The following ANKRD10 variants were observed in gnomAD, a reference collection of about 807,000 sequenced individuals.
ANKRD10 encodes the protein ankyrin repeat domain 10.
A neutral mutation model predicts 27.0 loss-of-function variants in ANKRD10; 14 were observed. That is an observed-to-expected ratio of 0.52 (90% CI 0.34 to 0.81). The LOEUF is 0.81. ANKRD10 is among the 40% of genes least tolerant of loss of function. The pLI, the probability that ANKRD10 is intolerant of heterozygous loss-of-function variation, is 0.01. For missense variants in ANKRD10, 493 were observed against 544.0 expected (o/e 0.91, Z 0.93); for synonymous variants, 250 against 224.5 (o/e 1.11, Z -1.01).
chr13:110,899,726 C>A lies in ANKRD10; in HGVS notation c.455+6307G>T, dbSNP rs1316599848. Among the ~76,000 whole-genome samples, 8 of 151,990 alleles carry A rather than the reference C, an allele frequency of 5.3e-5. No homozygotes were observed. The East Asian group carries it at 1.2e-3, about 22-fold the overall frequency. On this transcript the variant is annotated intron_variant, in intron 3 of 5. Coordinates refer to ENST00000267339, the MANE Select transcript of ANKRD10 (RefSeq NM_017664.4). The stretch of plus-strand genomic sequence containing the variant: ...TACGAAAAGCAATCACTGAGCAGGC[C>A]ACCCATTTTCTCTCTACTATTCTTT...
chr13:110,891,633 G>A (rs982733700), intron 4 of ANKRD10, among the ~76,000 whole-genome samples: 1 of 152,142 alleles, frequency 6.6e-6, no homozygotes, highest in Non-Finnish European at 1.5e-5. Flanking sequence ...AAAAGATGAT[G>A]TTGGTTCATG....
chr13:110,896,956 CATTGTAAATT>C (rs2065241165), intron 3 of ANKRD10, among the ~76,000 whole-genome samples: 8 of 147,436 alleles, frequency 5.4e-5, no homozygotes, highest in Non-Finnish European at 8.9e-5. Context: ...TTATGGGGTA[CATTGTAAATT>C]CCAATACAAT....
intron 3 of ANKRD10, among the ~76,000 whole-genome samples, chr13:110,898,297 A>T (rs1042026901): frequency 5.9e-5 from 9 of 152,240 alleles, no homozygotes; most frequent in Non-Finnish European, 1.2e-4. Context: ...TTAGACTGAA[A>T]ATAATTTGGG....
At chr13:110,912,565 C>G (rs980313302) in intron 1 of ANKRD10, among the ~76,000 whole-genome samples, 1 of 152,176 alleles carries the variant, frequency 6.6e-6, no homozygotes, top group Non-Finnish European at 1.5e-5. Flanking sequence ...AAACCTGTTA[C>G]CCTTGGGTTC....
chr13:110,913,722 C>T lies in ANKRD10; in HGVS notation c.210+1003G>A, dbSNP rs969742801. On this transcript the variant is annotated intron_variant, in intron 1 of 5. Coordinates refer to ENST00000267339, the MANE Select transcript of ANKRD10 (RefSeq NM_017664.4). ...ATTTCACATTACCTCTCACATATTTCTGCAAAACCATTTAACCCCATCTCA... is the reference window on the plus strand; with the variant it reads ...ATTTCACATTACCTCTCACATATTTTTGCAAAACCATTTAACCCCATCTCA... 2.0e-5 allele frequency among the ~76,000 whole-genome samples: 3 copies of T among 152,210 alleles called. No homozygotes were observed. In the South Asian group the frequency reaches 6.2e-4, roughly 32 times the overall value.
chr13:110,891,751 T>C (rs955105331), intron 4 of ANKRD10, among the ~76,000 whole-genome samples: 2 of 152,094 alleles, frequency 1.3e-5, no homozygotes, highest in Admixed American at 6.5e-5. Flanking sequence ...GGGCAAAACT[T>C]TGTGCTTATA....
intron 4 of ANKRD10, among the ~76,000 whole-genome samples, chr13:110,889,763 C>G (rs1204444031): frequency 6.6e-6 from 1 of 152,118 alleles, no homozygotes; most frequent in Non-Finnish European, 1.5e-5. Context: ...TAAGAGGTGA[C>G]TTAGCCAGAA....
At chr13:110,908,032 C>T (rs1056123174) in intron 2 of ANKRD10, among the ~76,000 whole-genome samples, 11 of 151,876 alleles carry the variant, frequency 7.2e-5, no homozygotes, top group South Asian at 2.1e-4. Context: ...GAGAAAGGCC[C>T]GGACATCCTG....
At chr13:110,899,449 C>CCT (rs2065322966) in intron 3 of ANKRD10, among the ~76,000 whole-genome samples, 1 of 152,184 alleles carries the variant, frequency 6.6e-6, no homozygotes, top group Non-Finnish European at 1.5e-5. Context: ...CTATAGCCTA[C>CCT]CTCCTTGGTC....
chr13:110,914,530 C>T, intron 1 of ANKRD10, 195 bp downstream of exon 1: 2 of 695,538 alleles, frequency 2.9e-6, no homozygotes, highest in Non-Finnish European at 2.0e-6. Context: ...CCGCGCCCCC[C>T]GGCTGCCCCG....
rs117052336 is a variant in ANKRD10 at position 110,914,444 on chromosome 13, G to C, written c.210+281C>G. The C allele has an allele frequency of 1.9e-3, 521 of 281,254 alleles. 11 individuals carry two copies. The East Asian group carries it at 0.032, about 17-fold the overall frequency. 17.4% of individuals were successfully genotyped at this position (281,254 alleles called of 1,614,324 possible). ...GGGACCCTTGGAGCCCGCCTTGTTA[G>C]AAACTTGCTACGCGCGCCGCCGCAC... is the stretch of plus-strand genomic sequence containing the variant. On this transcript the variant is annotated intron_variant, in intron 1 of 5. Coordinates refer to ENST00000267339, the MANE Select transcript of ANKRD10 (RefSeq NM_017664.4).
At chr13:110,883,518 C>G in intron 5 of ANKRD10, 180 bp downstream of exon 5, 1 of 1,334,774 alleles carries the variant, frequency 7.5e-7, no homozygotes, top group Non-Finnish European at 9.6e-7. Flanking sequence ...TGCAAAACAT[C>G]TGAGAAAAAC....
chr13:110,906,670 T>C (rs1594626869), intron 2 of ANKRD10, among the ~76,000 whole-genome samples: 1 of 152,128 alleles, frequency 6.6e-6, no homozygotes, highest in South Asian at 2.1e-4. Context: ...GGTTCAACAG[T>C]TGATCTATTT....
chr13:110,896,557 G>A (rs2065231401), intron 3 of ANKRD10, among the ~76,000 whole-genome samples: 1 of 152,146 alleles, frequency 6.6e-6, no homozygotes, highest in African/African-American at 2.4e-5. Context: ...CAACTGTGTA[G>A]TGCACATTAT....
chr13:110,891,890 TTAAA>T (rs2065084543), intron 4 of ANKRD10, among the ~76,000 whole-genome samples: 1 of 147,574 alleles, frequency 6.8e-6, no homozygotes, highest in Non-Finnish European at 1.5e-5. Context: ...TTTTTTTTTT[TTAAA>T]TAGAGACAAG....
chr13:110,910,741 C>G lies in ANKRD10; in HGVS notation c.240G>C (p.Ala80=). 6.2e-7 allele frequency: 1 copy of G among 1,614,058 alleles called. No individual in the cohort carries two copies. Among genetic ancestry groups the G allele is most frequent in the Non-Finnish European group, 8.5e-7 (1 of 1,179,998 alleles). ...KLECLVQLVR[A]GATLNVSTTR... Reference sequence around the variant, plus strand: ...TGGTGGAGACGTTGAGTGTGGCTCCCGCTCTCACCAACTGCACTAAGCACT... The same window carrying G: ...TGGTGGAGACGTTGAGTGTGGCTCCGGCTCTCACCAACTGCACTAAGCACT... The change falls in exon 2 of 6, where the codon GCG becomes GCC. Residue 80 remains alanine (A), a synonymous_variant. Coordinates refer to ENST00000267339, the MANE Select transcript of ANKRD10 (RefSeq NM_017664.4).
At chr13:110,892,805 ATT>A in intron 4 of ANKRD10, 1 of 1,318,800 alleles carries the variant, frequency 7.6e-7, no homozygotes, top group South Asian at 2.1e-5. Flanking sequence ...CCACATAGAC[ATT>A]TACACTTGGG....
In ANKRD10 at chr13:110,914,778, C is replaced by G. The variant is rs1284677624; in HGVS notation, c.157G>C (p.Glu53Gln). The G allele has an allele frequency of 1.3e-6, 2 of 1,599,124 alleles. No homozygotes were observed. Among genetic ancestry groups the G allele is most frequent in the South Asian group, 1.1e-5 (1 of 88,544 alleles). Residue 53 changes from glutamate (E) to glutamine (Q), a missense_variant, in exon 1 of 6, where the codon GAG becomes CAG. Coordinates refer to ENST00000267339, the MANE Select transcript of ANKRD10 (RefSeq NM_017664.4). ...GGCGTCCAGCCATAGAAGGAGTCCT[C>G]AGAGGCCAGGTGGGCGTGGGGTGTC... ...QQTPHAHLAS[E>Q]DSFYGWTPVH...
intron 2 of ANKRD10, among the ~76,000 whole-genome samples, chr13:110,906,898 G>A (rs2065555239): frequency 6.6e-6 from 1 of 151,776 alleles, no homozygotes; most frequent in Non-Finnish European, 1.5e-5. Flanking sequence ...AAGCCACTGT[G>A]AACATCAGCA....
Sources: gnomAD v4.1 joint callset for allele counts (sites outside exome capture counted in the v4.1 genomes callset) on GRCh38, gnomAD v4.1.1 for gene constraint, MANE v1.5 for transcripts, NCBI Gene and HGNC (gene_info 2026-07-23, HGNC 2026-07-21) for gene names.